MYO1D: variants seen among roughly 807,000 people sequenced by gnomAD.
The protein encoded by MYO1D is unconventional myosin-Id.
In MYO1D, 83 loss-of-function variants were observed where a neutral mutation model predicts 122.0. The observed-to-expected ratio is 0.68, with a 90% confidence interval of 0.57 to 0.82. The LOEUF (loss-of-function observed/expected upper bound fraction) is 0.82, where lower values mean the gene tolerates loss of function less well. Ranked by LOEUF, MYO1D falls within the 40% of genes least tolerant of loss-of-function variation. The pLI is 0.00. For missense variants in MYO1D, 1,157 were observed against 1,269.5 expected, an observed-to-expected ratio of 0.91 and a Z score of 1.35; for synonymous variants, 464 against 446.9, an observed-to-expected ratio of 1.04 and a Z score of -0.48.
At chr17:32,702,107 G>A (rs17183113) in intron 16 of MYO1D, among the ~76,000 whole-genome samples, 21,702 of 152,166 alleles carry the variant, frequency 0.14, 1,987 homozygotes, top group Middle Eastern at 0.28. Flanking sequence ...AGTGGCCCAG[G>A]AGAAGTACAG....
intron 16 of MYO1D, among the ~76,000 whole-genome samples, chr17:32,698,179 G>T (rs966930250): frequency 3.9e-5 from 6 of 152,196 alleles, no homozygotes; most frequent in African/African-American, 1.4e-4. Flanking sequence ...AAAGTATCCA[G>T]AGTAGTGCCT....
At chr17:32,862,311 T>C (rs1001536544) in intron 1 of MYO1D, among the ~76,000 whole-genome samples, 6 of 152,236 alleles carry the variant, frequency 3.9e-5, no homozygotes, top group African/African-American at 1.4e-4. Context: ...TGCTGGTTTA[T>C]CAGTTCTATG....
At chr17:32,697,582 C>T (rs1346992602) in intron 16 of MYO1D, among the ~76,000 whole-genome samples, 2 of 151,394 alleles carry the variant, frequency 1.3e-5, no homozygotes, top group African/African-American at 2.4e-5. Context: ...AGCCATAGCT[C>T]GAAAGTCACT....
Position 32,738,358 on chromosome 17 carries a change from C to T in MYO1D, c.1641G>A (p.Trp547Ter). 1 of 1,602,010 alleles carries T rather than the reference C, an allele frequency of 6.2e-7. No individual in the cohort carries two copies. Among genetic ancestry groups the T allele is most frequent in the Non-Finnish European group, 8.5e-7 (1 of 1,174,568 alleles). The change falls in exon 14 of 22, where the codon TGG (tryptophan) becomes TGA (stop). Residue 547 changes from tryptophan (W) to a stop codon, truncating the protein, a stop_gained. Coordinates refer to ENST00000318217, the MANE Select transcript of MYO1D (RefSeq NM_015194.3). LOFTEE classifies it high-confidence loss of function. ...CTGTAATGCTCAGTTTGCCTTCAGG[C>T]CACATATTCTTGAGCACAGGATTTG... Reference protein sequence around the residue: ...NSSNPVLKNMWPEGKLSITEV... With the variant: ...NSSNPVLKNM
chr17:32,606,963 C>T (rs1341469230), intron 20 of MYO1D, among the ~76,000 whole-genome samples: 1 of 152,098 alleles, frequency 6.6e-6, no homozygotes, highest in Non-Finnish European at 1.5e-5. Flanking sequence ...GGTTCGAGAC[C>T]AGCCTGACCA....
chr17:32,548,250 A>G (rs569868732), intron 21 of MYO1D, among the ~76,000 whole-genome samples: 1 of 151,660 alleles, frequency 6.6e-6, no homozygotes, highest in African/African-American at 2.4e-5. Context: ...GGTCTTTTAT[A>G]TTTTTTGTCT....
chr17:32,876,685 G>A (rs1266062234), intron 1 of MYO1D, 93 bp downstream of exon 1: 9 of 1,043,574 alleles, frequency 8.6e-6, no homozygotes, highest in African/African-American at 1.7e-5. Flanking sequence ...GAGCTTGGGC[G>A]CTCCCGACAC....
chr17:32,817,937 T>C (rs2090626110), intron 1 of MYO1D, among the ~76,000 whole-genome samples: 1 of 150,688 alleles, frequency 6.6e-6, no homozygotes, highest in Non-Finnish European at 1.5e-5. Flanking sequence ...CCATCCCGGC[T>C]AAAACGGTGA....
intron 20 of MYO1D, among the ~76,000 whole-genome samples, chr17:32,637,567 A>G (rs1278685526): frequency 6.6e-6 from 1 of 152,156 alleles, no homozygotes; most frequent in Non-Finnish European, 1.5e-5. Context: ...GCTACTCAGG[A>G]GGCAGAGGCA....
intron 16 of MYO1D, among the ~76,000 whole-genome samples, chr17:32,660,295 T>C (rs946433516): frequency 6.6e-6 from 1 of 152,200 alleles, no homozygotes; most frequent in Non-Finnish European, 1.5e-5. Flanking sequence ...AGGTTGATTA[T>C]ATTATTTCCC....
intron 14 of MYO1D, among the ~76,000 whole-genome samples, chr17:32,723,315 C>T (rs942484038): frequency 4.6e-5 from 7 of 152,156 alleles, no homozygotes; most frequent in Non-Finnish European, 1.0e-4. Flanking sequence ...ATTAGGGACC[C>T]TGTCCTTTAA....
At chr17:32,588,623 T>C (rs1189553108) in intron 21 of MYO1D, among the ~76,000 whole-genome samples, 1 of 152,210 alleles carries the variant, frequency 6.6e-6, no homozygotes, top group Admixed American at 6.5e-5. Context: ...GCAAACTGAC[T>C]TCTGGTGAAC....
intron 20 of MYO1D, among the ~76,000 whole-genome samples, chr17:32,637,433 G>C (rs781767875): frequency 6.6e-5 from 10 of 152,206 alleles, no homozygotes; most frequent in Non-Finnish European, 1.2e-4. Context: ...CACTTTGGGA[G>C]ACCACAGCGG....
At chr17:32,631,152 CT>C (rs2088000092) in intron 20 of MYO1D, among the ~76,000 whole-genome samples, 1 of 152,006 alleles carries the variant, frequency 6.6e-6, no homozygotes, top group Non-Finnish European at 1.5e-5. Context: ...TGAATTATAC[CT>C]CAAGAAAGCT....
chr17:32,544,301 A>G (rs1341554521), intron 21 of MYO1D, among the ~76,000 whole-genome samples: 1 of 151,584 alleles, frequency 6.6e-6, no homozygotes, highest in Non-Finnish European at 1.5e-5. Flanking sequence ...CTGTCTCACT[A>G]TGTTGCCCAG....
chr17:32,713,405 A>T (rs758314471), intron 15 of MYO1D, among the ~76,000 whole-genome samples: 7 of 152,186 alleles, frequency 4.6e-5, no homozygotes, highest in Non-Finnish European at 7.3e-5. Flanking sequence ...TCTGTGCATC[A>T]CTACCACATG....
chr17:32,632,563 C>CTATATATATATA (rs578118915), intron 20 of MYO1D: 1 of 115,372 alleles, frequency 8.7e-6, no homozygotes, highest in Admixed American at 9.7e-5. Context: ...AACTTAAGTA[C>CTATATATATATA]TATATATATA....
chr17:32,794,836 C>G (rs1039176356), intron 1 of MYO1D, among the ~76,000 whole-genome samples: 1 of 152,088 alleles, frequency 6.6e-6, no homozygotes, highest in Non-Finnish European at 1.5e-5. Context: ...ATCACATTTG[C>G]TTTTTTGAAA....
rs1427230502 is a variant in MYO1D at position 32,795,315 on chromosome 17, C to T, written c.96-14531G>A. ...GAGCAAGCAGATAACCACACCATCA[C>T]GGCCAGCAAACACGGCAAGGAGAAC... is the stretch of plus-strand genomic sequence containing the variant. On this transcript the variant is annotated intron_variant, in intron 1 of 21. Transcript: ENST00000318217. Among the ~76,000 whole-genome samples the T allele has an allele frequency of 5.9e-5, 9 of 152,210 alleles. No individual in the cohort carries two copies. The South Asian group carries it at 1.2e-3, about 21-fold the overall frequency.
Sources: allele counts gnomAD v4.1 joint callset (sites outside exome capture counted in the v4.1 genomes callset), GRCh38; gene constraint gnomAD v4.1.1; transcripts MANE v1.5; gene names NCBI Gene and HGNC (gene_info 2026-07-23, HGNC 2026-07-21).